Variants in ARID1B observed in about 807,000 individuals in gnomAD.
The protein encoded by ARID1B is AT-rich interaction domain 1B.
ARID1B carries 30 observed loss-of-function variants against 212.3 expected under a neutral mutation model. That is an observed-to-expected ratio of 0.14 (90% CI 0.11 to 0.19). The LOEUF is 0.19. ARID1B is among the 10% of genes least tolerant of loss of function. The pLI is 1.00. For missense variants in ARID1B, 2,891 were observed against 3,204.0 expected (o/e 0.90, Z 2.36); for synonymous variants, 1,402 against 1,301.7 (o/e 1.08, Z -1.66).
chr6:156,778,292 A>AGCAACAGCAG lies in ARID1B; in HGVS notation c.612_613insGCAACAGCAG (p.Gln205AlafsTer113). On this transcript the variant is annotated frameshift_variant, in exon 1 of 20. Coordinates refer to ENST00000636930, the MANE Select transcript of ARID1B (RefSeq NM_001374828.1). LOFTEE classifies it high-confidence loss of function. ...TCCAGCAGCAGCAGCAGCAGCAGCAACAGCAGCAGCAGCAGCAGCAGCAAC... is the reference window on the plus strand; with the variant it reads ...TCCAGCAGCAGCAGCAGCAGCAGCAAGCAACAGCAGCAGCAGCAGCAGCAGCAGCAGCAAC... 2 of 1,518,312 alleles carry AGCAACAGCAG rather than the reference A, an allele frequency of 1.3e-6. No individual in the cohort carries two copies. The highest frequency in any genetic ancestry group is 1.8e-6 in the Non-Finnish European group (2 of 1,134,054). The allele number at this position is 1,518,312 out of a possible 1,614,324, so 94.1% of individuals were successfully genotyped here.
chr6:157,031,082 CTA>C (rs1780991023), intron 4 of ARID1B, among the ~76,000 whole-genome samples: 1 of 150,344 alleles, frequency 6.7e-6, no homozygotes, highest in East Asian at 1.9e-4. Context: ...CTTAAGAGTT[CTA>C]TGTTTTTAAT....
At chr6:156,848,670 T>G (rs1394923675) in intron 2 of ARID1B, among the ~76,000 whole-genome samples, 2 of 152,162 alleles carry the variant, frequency 1.3e-5, no homozygotes, top group East Asian at 3.9e-4. Context: ...TCAGGCCCCT[T>G]TAAGTTAAAA....
At chr6:157,074,454 A>T (rs1055235832) in intron 4 of ARID1B, among the ~76,000 whole-genome samples, 3 of 152,092 alleles carry the variant, frequency 2.0e-5, no homozygotes, top group Non-Finnish European at 4.4e-5. Context: ...CGAACTCCCG[A>T]GCTCAGATGA....
intron 2 of ARID1B, among the ~76,000 whole-genome samples, chr6:156,851,533 A>C (rs145876477): frequency 6.6e-6 from 1 of 152,138 alleles, no homozygotes; most frequent in African/African-American, 2.4e-5. Flanking sequence ...GAACTGTCCA[A>C]CTGTTGTGCT....
chr6:157,110,376 C>T, intron 5 of ARID1B, 96 bp from the exon 6 acceptor site: 1 of 1,037,802 alleles, frequency 9.6e-7, no homozygotes, highest in Non-Finnish European at 1.5e-6. Flanking sequence ...CTTTTGTGAT[C>T]ATAAAAATTA....
chr6:157,026,914 T>C (rs1780701556), intron 4 of ARID1B, among the ~76,000 whole-genome samples: 1 of 152,212 alleles, frequency 6.6e-6, no homozygotes, highest in Non-Finnish European at 1.5e-5. Context: ...TTCCTAAATT[T>C]ACCTCTTACA....
At chr6:156,954,950 A>G (rs1413402491) in intron 4 of ARID1B, among the ~76,000 whole-genome samples, 1 of 152,228 alleles carries the variant, frequency 6.6e-6, no homozygotes, top group Admixed American at 6.5e-5. Context: ...TGGCTGGCGG[A>G]GGCCACCTGG....
At chr6:156,887,846 A>G (rs1787637662) in intron 2 of ARID1B, among the ~76,000 whole-genome samples, 1 of 152,220 alleles carries the variant, frequency 6.6e-6, no homozygotes, top group South Asian at 2.1e-4. Context: ...TCATGCAAGT[A>G]TACGATCCCC....
chr6:156,826,415 CT>C (rs1452466717), intron 1 of ARID1B, among the ~76,000 whole-genome samples: 1 of 152,274 alleles, frequency 6.6e-6, no homozygotes, highest in African/African-American at 2.4e-5. Flanking sequence ...TTTAGTCTGT[CT>C]CCTTCAGTGA....
At chr6:156,882,281 C>T (rs978813940) in intron 2 of ARID1B, among the ~76,000 whole-genome samples, 1 of 152,154 alleles carries the variant, frequency 6.6e-6, no homozygotes, top group Non-Finnish European at 1.5e-5. Context: ...CAGAGTTGGC[C>T]AGCCTGCCTC....
At chr6:156,822,940 T>C (rs1471502592) in intron 1 of ARID1B, among the ~76,000 whole-genome samples, 1 of 152,176 alleles carries the variant, frequency 6.6e-6, no homozygotes. Flanking sequence ...TGTAATATGC[T>C]CAGGGAAAAA....
At chr6:157,019,574 T>TA (rs1780105212) in intron 4 of ARID1B, among the ~76,000 whole-genome samples, 2 of 152,242 alleles carry the variant, frequency 1.3e-5, no homozygotes, top group African/African-American at 4.8e-5. Context: ...TCTGAAATTG[T>TA]AAAATTTCTA....
intron 2 of ARID1B, among the ~76,000 whole-genome samples, chr6:156,856,330 TAAC>T (rs767272263): frequency 2.0e-5 from 3 of 152,252 alleles, no homozygotes; most frequent in Non-Finnish European, 4.4e-5. Flanking sequence ...CATTGAATGA[TAAC>T]AACATAAACA....
At chr6:156,922,011 T>G (rs1790843828) in intron 3 of ARID1B, among the ~76,000 whole-genome samples, 1 of 152,172 alleles carries the variant, frequency 6.6e-6, no homozygotes, top group Admixed American at 6.5e-5. Flanking sequence ...GGCACTTTAC[T>G]TCACTCTCTT....
chr6:157,156,269 CAAAGAG>C (rs970873594), intron 8 of ARID1B, among the ~76,000 whole-genome samples: 5 of 152,122 alleles, frequency 3.3e-5, no homozygotes, highest in Non-Finnish European at 7.4e-5. Context: ...TATTGAAAGA[CAAAGAG>C]AAAAGATTTC....
At chr6:156,786,262 A>G (rs1192701608) in intron 1 of ARID1B, among the ~76,000 whole-genome samples, 1 of 152,082 alleles carries the variant, frequency 6.6e-6, no homozygotes, top group Admixed American at 6.6e-5. Context: ...GAGCAAACCC[A>G]GAGTCTAGGT....
chr6:156,895,415 T>C (rs745933346), intron 2 of ARID1B, among the ~76,000 whole-genome samples: 30 of 152,216 alleles, frequency 2.0e-4, no homozygotes, highest in Non-Finnish European at 4.0e-4. Flanking sequence ...ACACCAGAAC[T>C]CAGAAGAGCT....
At position 157,148,764 on chromosome 6, in the gene ARID1B, C is replaced by G. The variant is rs794727977; in HGVS notation, c.2902C>G (p.Arg968Gly). The G allele has an allele frequency of 1.9e-6, 3 of 1,613,166 alleles. No homozygotes were observed. The highest frequency in any genetic ancestry group is 2.5e-6 in the Non-Finnish European group (3 of 1,179,940). ...GCCATGTGGTGCTGTGCCCCTGGGA[C>G]GAATGCCATCAGCTGGGATGCAGAA... ...SQPCGAVPLG[R>G]MPSAGMQNRP... Residue 968 changes from arginine (R) to glycine (G), a missense_variant, in exon 8 of 20, where the codon CGA becomes GGA. Transcript: ENST00000636930. The surrounding 1 kb of genome is among the most constrained non-coding windows in gnomAD (Gnocchi z 5.6).
At chr6:157,145,146 G>A (rs1789634260) in intron 7 of ARID1B, among the ~76,000 whole-genome samples, 1 of 152,132 alleles carries the variant, frequency 6.6e-6, no homozygotes. Flanking sequence ...CAGCCTTCCA[G>A]GTGGTGTTCG....
Sources: allele counts gnomAD v4.1 joint callset (sites outside exome capture counted in the v4.1 genomes callset), GRCh38; gene constraint gnomAD v4.1.1; non-coding constraint Gnocchi (gnomAD v3.1); transcripts MANE v1.5; gene names NCBI Gene and HGNC (gene_info 2026-07-23, HGNC 2026-07-21).